Variants in STAT1 observed in about 807,000 individuals in gnomAD.
STAT1 encodes the protein signal transducer and activator of transcription 1.
STAT1 carries 24 observed loss-of-function variants against 111.7 expected under a neutral mutation model. The observed-to-expected ratio is 0.21, with a 90% CI of 0.16 to 0.30. STAT1 has a LOEUF of 0.30. Ranked by LOEUF, STAT1 falls within the 10% of genes least tolerant of loss-of-function variation. STAT1 has a pLI of 1.00. For synonymous variants in STAT1, 332 were observed against 326.5 expected, an observed-to-expected ratio of 1.02 and a Z score of -0.18; for missense variants, 351 against 911.9, an observed-to-expected ratio of 0.38 and a Z score of 7.92.
Position 191,009,073 on chromosome 2 carries a change from T to C in STAT1, c.163A>G (p.Ile55Val). The C allele has an allele frequency of 6.2e-7, 1 of 1,614,120 alleles. No homozygotes were observed. The highest frequency in any genetic ancestry group is 8.5e-7 in the Non-Finnish European group (1 of 1,179,966). ...HAANDVSFAT[I>V]RFHDLLSQLD... is the part of the protein sequence containing the mutation. ...TGTGACAGGAGGTCATGAAAACGGA[T>C]GGTGGCAAATGAAACATCATTGGCA... The change falls in exon 4 of 25, where the codon ATC becomes GTC. Residue 55 changes from isoleucine (I) to valine (V), a missense_variant. Transcript: ENST00000361099.
rs1694511972 is a variant in STAT1 at position 191,004,315 on chromosome 2, T to C, written c.373-3152A>G. Among the ~76,000 whole-genome samples the C allele has an allele frequency of 6.6e-6, 1 of 152,228 alleles. No homozygotes were observed. The highest frequency in any genetic ancestry group is 2.4e-5 in the African/African-American group (1 of 41,450). ...AAGTTGGAAGGGACTTCGGCTGTCA[T>C]TGACTCTTACTTTCTCGTTTCACTA... On this transcript the variant is annotated intron_variant, in intron 5 of 24. Transcript: ENST00000361099. This position sits in a 1 kb window ranked among gnomAD's most constrained non-coding sequence, Gnocchi z 5.0.
At position 190,978,926 on chromosome 2, in the gene STAT1, C is replaced by T; in HGVS notation, c.1803G>A (p.Leu601=). ...LKDQQPGTFL[L]RFSESSREGA... is the part of the protein sequence containing the mutation. ...CTTCCCGGGAGCTCTCACTGAACCG[C>T]AGCAGGAAGGTCCCCGGCTGCTGGT... is the stretch of plus-strand genomic sequence containing the variant. Residue 601 remains leucine (L), a synonymous_variant, in exon 21 of 25, where the codon CTG becomes CTA. Coordinates refer to ENST00000361099, the MANE Select transcript of STAT1 (RefSeq NM_007315.4). This position sits in a 1 kb window ranked among gnomAD's most constrained non-coding sequence, Gnocchi z 6.1. 3.7e-6 allele frequency: 6 copies of T among 1,614,184 alleles called. No homozygotes were observed. The highest frequency in any genetic ancestry group is 4.2e-6 in the Non-Finnish European group (5 of 1,180,028).
chr2:190,977,058 G>C lies in STAT1; in HGVS notation c.1874-33C>G. 1 of 1,606,114 alleles carries C rather than the reference G, an allele frequency of 6.2e-7. No individual in the cohort carries two copies. Among genetic ancestry groups the C allele is most frequent in the Non-Finnish European group, 8.5e-7 (1 of 1,172,858 alleles). On this transcript the variant is annotated intron_variant, in intron 21 of 24. Coordinates refer to ENST00000361099, the MANE Select transcript of STAT1 (RefSeq NM_007315.4). The surrounding 1 kb of genome is among the most constrained non-coding windows in gnomAD (Gnocchi z 4.7). ...GGAGAAAAGCTAAGTAAATCCCATA[G>C]AACATCCCAAAATGAAAGAGGACAG...
In STAT1 at chr2:190,976,903, A is replaced by G. The variant is rs760391069; in HGVS notation, c.1996T>C (p.Tyr666His). ...TCTTTGTCAATATTTGGATACAGAT[A>G]CTTCAGGGGATTCTCAGGAATATTC... ...AENIPENPLK[Y>H]LYPNIDKDHA... is the part of the protein sequence containing the mutation. The change falls in exon 22 of 25, where the codon TAT (tyrosine) becomes CAT (histidine). Residue 666 changes from tyrosine (Y) to histidine (H), a missense_variant. By Grantham distance (83) the Tyr-to-His change is moderately conservative. Coordinates refer to ENST00000361099, the MANE Select transcript of STAT1 (RefSeq NM_007315.4). This position sits in a 1 kb window ranked among gnomAD's most constrained non-coding sequence, Gnocchi z 6.0. 6.2e-7 allele frequency: 1 copy of G among 1,614,194 alleles called. No individual in the cohort carries two copies. The highest frequency in any genetic ancestry group is 8.5e-7 in the Non-Finnish European group (1 of 1,180,010).
Position 190,995,627 on chromosome 2 carries a change from G to A in STAT1, c.786-408C>T, listed in dbSNP as rs1324631100. Among the ~76,000 whole-genome samples, 1 of 152,140 alleles carries A rather than the reference G, an allele frequency of 6.6e-6. No homozygotes were observed. The highest frequency in any genetic ancestry group is 1.5e-5 in the Non-Finnish European group (1 of 68,032). ...TACAATTCAAGGTGAGATTTGGGTG[G>A]GGACACGGCCAAACCATATGGCATG... On this transcript the variant is annotated intron_variant, in intron 9 of 24. Transcript: ENST00000361099. The surrounding 1 kb of genome is among the most constrained non-coding windows in gnomAD (Gnocchi z 4.2).
In STAT1 at chr2:190,974,767, G is replaced by T; in HGVS notation, c.2238+63C>A. 7.0e-7 allele frequency: 1 copy of T among 1,431,090 alleles called. No individual in the cohort carries two copies. The highest frequency in any genetic ancestry group is 9.9e-7 in the Non-Finnish European group (1 of 1,014,360). 88.6% of individuals were successfully genotyped at this position (1,431,090 alleles called of 1,614,324 possible). The stretch of plus-strand genomic sequence containing the variant: ...ACAGGCCCGGGATCTGCCATGGTGC[G>T]CTCCCTGCCTCTGAGCACACACACT... On this transcript the variant is annotated intron_variant, in intron 24 of 24. Coordinates refer to ENST00000361099, the MANE Select transcript of STAT1 (RefSeq NM_007315.4). The surrounding 1 kb of genome is among the most constrained non-coding windows in gnomAD (Gnocchi z 4.8).
chr2:190,979,916 C>T lies in STAT1; in HGVS notation c.1633-50G>A. 8.0e-7 allele frequency: 1 copy of T among 1,253,330 alleles called. No homozygotes were observed. Among genetic ancestry groups the T allele is most frequent in the East Asian group, 2.3e-5 (1 of 42,792 alleles). 77.6% of individuals were successfully genotyped at this position (1,253,330 alleles called of 1,614,324 possible). A position where few individuals can be genotyped will look rare whatever the true frequency, so the allele number is the denominator to read the frequency against. On this transcript the variant is annotated intron_variant, in intron 19 of 24. Coordinates refer to ENST00000361099, the MANE Select transcript of STAT1 (RefSeq NM_007315.4). The surrounding 1 kb of genome is among the most constrained non-coding windows in gnomAD (Gnocchi z 5.8). ...TATGAACAAAAATCTAAAACAATGA[C>T]TTACCATGGCCCCTCCCACCATCAT...
Position 190,997,718 on chromosome 2 carries a change from T to G in STAT1, c.785+138A>C. The G allele has an allele frequency of 2.3e-6, 3 of 1,326,822 alleles. No individual in the cohort carries two copies. The highest frequency in any genetic ancestry group is 3.2e-6 in the Non-Finnish European group (3 of 947,804). 82.2% of individuals were successfully genotyped at this position (1,326,822 alleles called of 1,614,324 possible). ...GCTTTCCAAGGGAGTGTTTCCAGGGTAAGCAGAAGCTGGACTATGTCAAAC... is the reference window on the plus strand; with the variant it reads ...GCTTTCCAAGGGAGTGTTTCCAGGGGAAGCAGAAGCTGGACTATGTCAAAC... On this transcript the variant is annotated intron_variant, in intron 9 of 24. Transcript: ENST00000361099. This position sits in a 1 kb window ranked among gnomAD's most constrained non-coding sequence, Gnocchi z 7.3.
Position 190,982,345 on chromosome 2 carries a change from T to G in STAT1, c.1582+38A>C. ...AATTAGAGAGATATTTTTATGAATT[T>G]CAATTTTTATAAACATAACAAGTTA... On this transcript the variant is annotated intron_variant, in intron 18 of 24. Transcript: ENST00000361099. The surrounding 1 kb of genome is among the most constrained non-coding windows in gnomAD (Gnocchi z 7.3). 1 of 1,611,932 alleles carries G rather than the reference T, an allele frequency of 6.2e-7. No homozygotes were observed. Among genetic ancestry groups the G allele is most frequent in the Non-Finnish European group, 8.5e-7 (1 of 1,178,284 alleles).
chr2:190,980,736 G>A lies in STAT1; in HGVS notation c.1583-67C>T, dbSNP rs898516279. On this transcript the variant is annotated intron_variant, in intron 18 of 24. Coordinates refer to ENST00000361099, the MANE Select transcript of STAT1 (RefSeq NM_007315.4). This position sits in a 1 kb window ranked among gnomAD's most constrained non-coding sequence, Gnocchi z 6.1. ...ATTCTAAAGCTTTGGTTGGACGGAT[G>A]GCTCTTGTATTTGCTCTCAAGGAAA... 1.1e-5 allele frequency: 16 copies of A among 1,502,728 alleles called. No homozygotes were observed. The highest frequency in any genetic ancestry group is 1.3e-5 in the Non-Finnish European group (14 of 1,080,432). 93.1% of individuals were successfully genotyped at this position (1,502,728 alleles called of 1,614,324 possible).
At position 190,999,213 on chromosome 2, in the gene STAT1, C is replaced by G. The variant is rs1168083053; in HGVS notation, c.541+413G>C. Among the ~76,000 whole-genome samples the G allele has an allele frequency of 2.0e-5, 3 of 152,176 alleles. No individual in the cohort carries two copies. Among genetic ancestry groups the G allele is most frequent in the African/African-American group, 7.2e-5 (3 of 41,442 alleles). On this transcript the variant is annotated intron_variant, in intron 7 of 24. Transcript: ENST00000361099. The surrounding 1 kb of genome is among the most constrained non-coding windows in gnomAD (Gnocchi z 4.1). ...AACCTGAGATATTAGGGCAGGGGAACTCCACATATCTATCGCTCTGTGTCA... is the reference window on the plus strand; with the variant it reads ...AACCTGAGATATTAGGGCAGGGGAAGTCCACATATCTATCGCTCTGTGTCA...
rs1323430123 is a variant in STAT1 at position 191,004,164 on chromosome 2, T to C, written c.373-3001A>G. ...CCTGCTTCCCTCCACCCTGCCCCCA[T>C]CTGCTAAGCAGATGCTTGGCTGCTC... is the stretch of plus-strand genomic sequence containing the variant. On this transcript the variant is annotated intron_variant, in intron 5 of 24. Coordinates refer to ENST00000361099, the MANE Select transcript of STAT1 (RefSeq NM_007315.4). This position sits in a 1 kb window ranked among gnomAD's most constrained non-coding sequence, Gnocchi z 5.0. Among the ~76,000 whole-genome samples, 1 of 152,188 alleles carries C rather than the reference T, an allele frequency of 6.6e-6. No individual in the cohort carries two copies. Among genetic ancestry groups the C allele is most frequent in the African/African-American group, 2.4e-5 (1 of 41,438 alleles).
rs932473907 is a variant in STAT1, at chr2:191,012,005, C to A, written c.-2+1520G>T. Among the ~76,000 whole-genome samples the A allele has an allele frequency of 6.6e-6, 1 of 151,954 alleles. No homozygotes were observed. The highest frequency in any genetic ancestry group is 6.5e-5 in the Admixed American group (1 of 15,280). On this transcript the variant is annotated intron_variant, in intron 2 of 24. Coordinates refer to ENST00000361099, the MANE Select transcript of STAT1 (RefSeq NM_007315.4). The surrounding 1 kb of genome is among the most constrained non-coding windows in gnomAD (Gnocchi z 4.0). ...ACCTCAGGCAATCCTTCCACCTCAGCCTCCCAAAGTGCTGGGATTACAGGC... is the reference window on the plus strand; with the variant it reads ...ACCTCAGGCAATCCTTCCACCTCAGACTCCCAAAGTGCTGGGATTACAGGC...
At chr2:191,008,243 A>G (rs1694855628) in intron 4 of STAT1, among the ~76,000 whole-genome samples, 1 of 152,016 alleles carries the variant, frequency 6.6e-6, no homozygotes, top group Non-Finnish European at 1.5e-5. Context: ...CACAAAGGAA[A>G]AAAAACAACT....
rs1691405572 is a variant in STAT1 at position 190,970,901 on chromosome 2, C to A, written c.2239-184G>T. Among the ~76,000 whole-genome samples the A allele has an allele frequency of 6.6e-6, 1 of 152,214 alleles. No individual in the cohort carries two copies. The highest frequency in any genetic ancestry group is 2.4e-5 in the African/African-American group (1 of 41,452). ...ATGTATTATCCTGGGCTAATCAAGA[C>A]CTTTTATATCACCTAAGCTGACGGA... On this transcript the variant is annotated intron_variant, in intron 24 of 24. Coordinates refer to ENST00000361099, the MANE Select transcript of STAT1 (RefSeq NM_007315.4). The surrounding 1 kb of genome is among the most constrained non-coding windows in gnomAD (Gnocchi z 5.4).
chr2:190,980,969 C>T lies in STAT1; in HGVS notation c.1583-300G>A, dbSNP rs570053555. On this transcript the variant is annotated intron_variant, in intron 18 of 24. Coordinates refer to ENST00000361099, the MANE Select transcript of STAT1 (RefSeq NM_007315.4). The surrounding 1 kb of genome is among the most constrained non-coding windows in gnomAD (Gnocchi z 6.1). ...ACGATATGAGAGTTTTTAGGGAAAG[C>T]GGAAACATCACAAAGCCTTACCATC... is the stretch of plus-strand genomic sequence containing the variant. 3.9e-5 allele frequency among the ~76,000 whole-genome samples: 6 copies of T among 152,268 alleles called. No homozygotes were observed. The highest frequency in any genetic ancestry group is 1.3e-4 in the Admixed American group (2 of 15,300).
At position 190,989,305 on chromosome 2, in the gene STAT1, C is replaced by A. The variant is rs1693127762; in HGVS notation, c.1097+310G>T. Among the ~76,000 whole-genome samples the A allele has an allele frequency of 6.6e-6, 1 of 152,194 alleles. No individual in the cohort carries two copies. The highest frequency in any genetic ancestry group is 6.5e-5 in the Admixed American group (1 of 15,276). On this transcript the variant is annotated intron_variant, in intron 12 of 24. Coordinates refer to ENST00000361099, the MANE Select transcript of STAT1 (RefSeq NM_007315.4). The surrounding 1 kb of genome is among the most constrained non-coding windows in gnomAD (Gnocchi z 5.0). Reference sequence around the variant, plus strand: ...ACTCACTCTTTTGTTCATTTATAGTCTAAAAAGGCACAGGAATGTTGATAC... The same window carrying A: ...ACTCACTCTTTTGTTCATTTATAGTATAAAAAGGCACAGGAATGTTGATAC...
chr2:190,975,732 C>T lies in STAT1; in HGVS notation c.2135+80G>A. On this transcript the variant is annotated intron_variant, in intron 23 of 24. Coordinates refer to ENST00000361099, the MANE Select transcript of STAT1 (RefSeq NM_007315.4). This position sits in a 1 kb window ranked among gnomAD's most constrained non-coding sequence, Gnocchi z 5.9. ...GCAATTACAATGGAAAAGTAAAATA[C>T]AAGCATCTTCAACAGGCCCCAGCCA... The T allele has an allele frequency of 2.5e-6, 4 of 1,584,316 alleles. No homozygotes were observed. The highest frequency in any genetic ancestry group is 1.8e-5 in the Admixed American group (1 of 56,764).
At chr2:190,985,150 A>G (rs577558719) in intron 15 of STAT1, among the ~76,000 whole-genome samples, 3 of 152,166 alleles carry the variant, frequency 2.0e-5, no homozygotes, top group South Asian at 2.1e-4. Context: ...CACAAACCCA[A>G]CTCCTTAAGG....
Sources: allele counts gnomAD v4.1 joint callset (sites outside exome capture counted in the v4.1 genomes callset), GRCh38; gene constraint gnomAD v4.1.1; non-coding constraint Gnocchi (gnomAD v3.1); transcripts MANE v1.5; gene names NCBI Gene and HGNC (gene_info 2026-07-23, HGNC 2026-07-21).